Variants in PSME1 observed in about 807,000 individuals in gnomAD.
The protein encoded by PSME1 is proteasome activator subunit 1, also known as proteasome activator complex subunit 1.
A neutral mutation model predicts 38.4 loss-of-function variants in PSME1; 15 were observed. The ratio of observed to expected loss-of-function variants is 0.39; its 90% CI spans 0.26 to 0.60. The LOEUF is 0.60. Ranked by LOEUF, PSME1 falls within the 20% of genes least tolerant of loss-of-function variation. PSME1 has a pLI of 0.53. For synonymous variants in PSME1, 106 were observed against 106.8 expected (o/e 0.99, Z 0.05); for missense variants, 249 against 305.6 (o/e 0.81, Z 1.38).
chr14:24,136,479 G>A lies in PSME1; in HGVS notation c.39+178G>A, dbSNP rs1462358216. On this transcript the variant is annotated intron_variant, in intron 1 of 10. Coordinates refer to ENST00000206451, the MANE Select transcript of PSME1 (RefSeq NM_006263.4). This position sits in a 1 kb window ranked among gnomAD's most constrained non-coding sequence, Gnocchi z 4.8. Reference sequence around the variant, plus strand: ...GACTGCTGCCTGCGGGGAGAGGCGAGGCGGCCGTGGTTCTGCGGGGTGAGG... The same window carrying A: ...GACTGCTGCCTGCGGGGAGAGGCGAAGCGGCCGTGGTTCTGCGGGGTGAGG... 1 of 598,772 alleles carries A rather than the reference G, an allele frequency of 1.7e-6. No individual in the cohort carries two copies. The highest frequency in any genetic ancestry group is 2.0e-5 in the African/African-American group (1 of 50,392). The allele number at this position is 598,772 out of a possible 1,614,324, so 37.1% of individuals were successfully genotyped here.
Position 24,138,899 on chromosome 14 carries a change from C to A in PSME1, c.*83C>A. 1 of 1,591,406 alleles carries A rather than the reference C, an allele frequency of 6.3e-7. No homozygotes were observed. The highest frequency in any genetic ancestry group is 8.6e-7 in the Non-Finnish European group (1 of 1,166,386). On this transcript the variant is annotated 3_prime_UTR_variant, in exon 11 of 11. Coordinates refer to ENST00000206451, the MANE Select transcript of PSME1 (RefSeq NM_006263.4). The stretch of plus-strand genomic sequence containing the variant: ...GGACTCCAGATTTTCCCCAAACTTG[C>A]TTCTGTTGAGATTTTTCCCTCACCT...
In PSME1 at chr14:24,137,713, C is replaced by T. The variant is rs764178832; in HGVS notation, c.306C>T (p.Gly102=). The T allele has an allele frequency of 1.2e-6, 2 of 1,614,200 alleles. No homozygotes were observed. Among genetic ancestry groups the T allele is most frequent in the South Asian group, 1.1e-5 (1 of 91,082 alleles). Residue 102 remains glycine, a synonymous_variant, in exon 6 of 11, where the codon GGC becomes GGT. Transcript: ENST00000206451. ...GEDEDKGPPC[G]PVNCNEKIVV... ...CTCACTCTCTAGGTCCTCCCTGTGG[C>T]CCAGTGAACTGCAATGAAAAGATCG...
At chr14:24,138,452 G>T (rs753951558) in intron 9 of PSME1, 22 bp from the exon 10 acceptor site, 1 of 1,614,152 alleles carries the variant, frequency 6.2e-7, no homozygotes, top group Admixed American at 1.7e-5. Flanking sequence ...GTAAGGTCAG[G>T]CCTGACCCGA....
In PSME1 at chr14:24,137,324, C is replaced by G; in HGVS notation, c.139C>G (p.Pro47Ala). The G allele has an allele frequency of 6.2e-7, 1 of 1,614,068 alleles. No individual in the cohort carries two copies. Among genetic ancestry groups the G allele is most frequent in the Non-Finnish European group, 8.5e-7 (1 of 1,179,996 alleles). Residue 47 changes from proline (P) to alanine (A), a missense_variant, in exon 4 of 11, where the codon CCA (proline) becomes GCA (alanine). Transcript: ENST00000206451. ...CCCTCCTCCCACCCTACACCAGGAGCCAGCTCTCAATGAAGCCAACTTGAG... is the reference window on the plus strand; with the variant it reads ...CCCTCCTCCCACCCTACACCAGGAGGCAGCTCTCAATGAAGCCAACTTGAG... ...ISELDAFLKE[P>A]ALNEANLSNL...
chr14:24,136,340 G>A lies in PSME1; in HGVS notation c.39+39G>A. ...GGTCTAGAAAGGGCCCACTGGGGAG[G>A]CGTGGCTGGAGCGGCCGGGGGCATC... is the stretch of plus-strand genomic sequence containing the variant. On this transcript the variant is annotated intron_variant, in intron 1 of 10. Transcript: ENST00000206451. The surrounding 1 kb of genome is among the most constrained non-coding windows in gnomAD (Gnocchi z 4.8). 3.3e-6 allele frequency: 5 copies of A among 1,493,770 alleles called. No homozygotes were observed. The highest frequency in any genetic ancestry group is 4.5e-6 in the Non-Finnish European group (5 of 1,121,564). The allele number at this position is 1,493,770 out of a possible 1,614,324, so 92.5% of individuals were successfully genotyped here. A position where few individuals can be genotyped will look rare whatever the true frequency, so the allele number is the denominator to read the frequency against.
intron 10 of PSME1, 56 bp from the exon 11 acceptor site, chr14:24,138,680 A>G (rs1306454287): frequency 6.2e-7 from 1 of 1,613,704 alleles, no homozygotes; most frequent in African/African-American, 1.3e-5. Flanking sequence ...AAGGCTAGAA[A>G]TGGGGCACAG....
At position 24,138,726 on chromosome 14, in the gene PSME1, G is replaced by C; in HGVS notation, c.670-10G>C. ...GGCCTCTGACTGACCTCTACTCCCT[G>C]GCCCTGTAGGCTGTGTTATATGACA... On this transcript the variant is annotated splice_polypyrimidine_tract_variant and intron_variant, in intron 10 of 10. Transcript: ENST00000206451. 6.2e-7 allele frequency: 1 copy of C among 1,614,160 alleles called. No homozygotes were observed. Among genetic ancestry groups the C allele is most frequent in the Non-Finnish European group, 8.5e-7 (1 of 1,180,046 alleles).
At position 24,138,261 on chromosome 14, in the gene PSME1, T is replaced by C. The variant is rs530838725; in HGVS notation, c.525T>C (p.Ser175=). 223 of 1,614,090 alleles carry C rather than the reference T, an allele frequency of 1.4e-4. 2 individuals are homozygous for C. The South Asian group carries it at 2.3e-3, about 17-fold the overall frequency. ...TAGAAGGCTTCCACACTCAAATCTC[T>C]AAGTGAGTGACCACCCATGTGCACA... ...TKLEGFHTQI[S]KYFSERGDAV... The change falls in exon 8 of 11, where the codon TCT becomes TCC. Residue 175 remains serine, a splice_region_variant and synonymous_variant. Coordinates refer to ENST00000206451, the MANE Select transcript of PSME1 (RefSeq NM_006263.4).
chr14:24,138,597 C>T (rs1396774154), intron 10 of PSME1, 37 bp downstream of exon 10: 6 of 1,613,798 alleles, frequency 3.7e-6, no homozygotes, highest in Non-Finnish European at 5.1e-6. Context: ...TGGGCAGAGG[C>T]AGCTTTCCCA....
chr14:24,137,326 A>G lies in PSME1; in HGVS notation c.141A>G (p.Pro47=). Residue 47 remains proline (P), a synonymous_variant, in exon 4 of 11, where the codon CCA becomes CCG. Coordinates refer to ENST00000206451, the MANE Select transcript of PSME1 (RefSeq NM_006263.4). ...CTCCTCCCACCCTACACCAGGAGCC[A>G]GCTCTCAATGAAGCCAACTTGAGCA... ...ISELDAFLKE[P]ALNEANLSNL... 6.2e-7 allele frequency: 1 copy of G among 1,614,120 alleles called. No individual in the cohort carries two copies. Among genetic ancestry groups the G allele is most frequent in the Middle Eastern group, 1.6e-4 (1 of 6,062 alleles).
chr14:24,138,278 A>G lies in PSME1; in HGVS notation c.527+15A>G, dbSNP rs764893216. On this transcript the variant is annotated intron_variant, in intron 8 of 10. Coordinates refer to ENST00000206451, the MANE Select transcript of PSME1 (RefSeq NM_006263.4). ...CAAATCTCTAAGTGAGTGACCACCC[A>G]TGTGCACACTGTTTTTGTTTTGGGA... 1.9e-6 allele frequency: 3 copies of G among 1,613,564 alleles called. No individual in the cohort carries two copies. Among genetic ancestry groups the G allele is most frequent in the East Asian group, 2.2e-5 (1 of 44,886 alleles).
rs754886729 is a variant in PSME1 at position 24,137,738 on chromosome 14, G to A, written c.331G>A (p.Val111Met). ...CGPVNCNEKI[V>M]VLLQRLKPEI... The stretch of plus-strand genomic sequence containing the variant: ...CCCAGTGAACTGCAATGAAAAGATC[G>A]TGGTCCTTCTGCAGCGCTTGAAGCC... The change falls in exon 6 of 11, where the codon GTG (valine) becomes ATG (methionine). Residue 111 changes from valine (V) to methionine (M), a missense_variant. Val to Met is a conservative substitution (Grantham distance 21). Transcript: ENST00000206451. 8 of 1,614,208 alleles carry A rather than the reference G, an allele frequency of 5.0e-6. No individual in the cohort carries two copies. The highest frequency in any genetic ancestry group is 1.3e-5 in the African/African-American group (1 of 75,036).
rs1373270991 is a variant in PSME1, at chr14:24,137,687, G to T, written c.293-13G>T. 6.8e-6 allele frequency: 11 copies of T among 1,613,560 alleles called. No individual in the cohort carries two copies. Among genetic ancestry groups the T allele is most frequent in the Non-Finnish European group, 9.3e-6 (11 of 1,179,464 alleles). On this transcript the variant is annotated splice_polypyrimidine_tract_variant and intron_variant, in intron 5 of 10. Transcript: ENST00000206451. ...GGCTCAATCATGTGACTGACCCATT[G>T]CTCACTCTCTAGGTCCTCCCTGTGG...
rs776195032 is a variant in PSME1 at position 24,138,514 on chromosome 14, A to T, written c.623A>T (p.Glu208Val). The T allele has an allele frequency of 6.2e-7, 1 of 1,614,068 alleles. No homozygotes were observed. The highest frequency in any genetic ancestry group is 8.5e-7 in the Non-Finnish European group (1 of 1,180,032). The change falls in exon 10 of 11, where the codon GAG (glutamate) becomes GTG (valine). Residue 208 changes from glutamate (E) to valine (V), a missense_variant. Coordinates refer to ENST00000206451, the MANE Select transcript of PSME1 (RefSeq NM_006263.4). Reference sequence around the variant, plus strand: ...CTGGTGCACGAGCTGGATGAGGCAGAGTACCGGGACATCCGGCTGATGGTC... The same window carrying T: ...CTGGTGCACGAGCTGGATGAGGCAGTGTACCGGGACATCCGGCTGATGGTC... ...RQLVHELDEA[E>V]YRDIRLMVME...
chr14:24,138,398 T>TG lies in PSME1; in HGVS notation c.582+1dup, dbSNP rs1198584106. ...ACTAAAGCAGCCAAGCAGCCCCATGTGGTAGGTGAGGCCCAGGTCAGGGTG... is the reference window on the plus strand; with the variant it reads ...ACTAAAGCAGCCAAGCAGCCCCATGTGGGTAGGTGAGGCCCAGGTCAGGGTG... On this transcript the variant is annotated frameshift_variant and splice_region_variant, in exon 9 of 11. Coordinates refer to ENST00000206451, the MANE Select transcript of PSME1 (RefSeq NM_006263.4). LOFTEE classifies it high-confidence loss of function. The TG allele has an allele frequency of 1.9e-6, 3 of 1,614,004 alleles. No individual in the cohort carries two copies. Among genetic ancestry groups the TG allele is most frequent in the Non-Finnish European group, 2.5e-6 (3 of 1,180,024 alleles).
Position 24,136,252 on chromosome 14 carries a change from C to T in PSME1, c.-11C>T, listed in dbSNP as rs995914729. ...CACTCCTTGTGCGGCGCTAGGCCCC[C>T]CGTCCCGGTCATGGCCATGCTCAGG... is the stretch of plus-strand genomic sequence containing the variant. On this transcript the variant is annotated 5_prime_UTR_variant, in exon 1 of 11. Coordinates refer to ENST00000206451, the MANE Select transcript of PSME1 (RefSeq NM_006263.4). The surrounding 1 kb of genome is among the most constrained non-coding windows in gnomAD (Gnocchi z 4.8). 2.0e-5 allele frequency: 30 copies of T among 1,524,460 alleles called. No homozygotes were observed. Among genetic ancestry groups the T allele is most frequent in the East Asian group, 2.8e-5 (1 of 36,320 alleles). The allele number at this position is 1,524,460 out of a possible 1,614,324, so 94.4% of individuals were successfully genotyped here.
rs377189304 is a variant in PSME1 at position 24,137,569 on chromosome 14, C to G, written c.292+4C>G. 4.3e-6 allele frequency: 7 copies of G among 1,614,228 alleles called. No individual in the cohort carries two copies. Among genetic ancestry groups the G allele is most frequent in the Non-Finnish European group, 5.1e-6 (6 of 1,180,042 alleles). On this transcript the variant is annotated splice_donor_region_variant and intron_variant, in intron 5 of 10. Coordinates refer to ENST00000206451, the MANE Select transcript of PSME1 (RefSeq NM_006263.4). ...AAGGGGGAGGATGAAGACAAAGGTA[C>G]TTGAAACCACAATGGTGGGAAGAGA...
In PSME1 at chr14:24,137,335, T is replaced by C. The variant is rs760313446; in HGVS notation, c.150T>C (p.Asn50=). ...LDAFLKEPAL[N]EANLSNLKAP... ...CCCTACACCAGGAGCCAGCTCTCAA[T>C]GAAGCCAACTTGAGCAATCTGAAGG... Residue 50 remains asparagine, a synonymous_variant, in exon 4 of 11, where the codon AAT becomes AAC. Transcript: ENST00000206451. The C allele has an allele frequency of 3.1e-6, 5 of 1,613,888 alleles. No individual in the cohort carries two copies. In the South Asian group the frequency reaches 3.3e-5, roughly 11 times the overall value.
Position 24,136,822 on chromosome 14 carries a change from C to A in PSME1, c.40-163C>A. 1 of 784,184 alleles carries A rather than the reference C, an allele frequency of 1.3e-6. No homozygotes were observed. Among genetic ancestry groups the A allele is most frequent in the Non-Finnish European group, 2.2e-6 (1 of 459,878 alleles). 48.6% of individuals were successfully genotyped at this position (784,184 alleles called of 1,614,324 possible). ...TGCAGAGATCCACCTTCTCCACCAC[C>A]CCAACCCACCCTACAGGCATCCATC... On this transcript the variant is annotated intron_variant, in intron 1 of 10. Transcript: ENST00000206451. The surrounding 1 kb of genome is among the most constrained non-coding windows in gnomAD (Gnocchi z 4.8).
Sources: allele counts gnomAD v4.1 joint callset, GRCh38; gene constraint gnomAD v4.1.1; non-coding constraint Gnocchi (gnomAD v3.1); transcripts MANE v1.5; gene names NCBI Gene and HGNC (gene_info 2026-07-23, HGNC 2026-07-21).